Variants in LTBP2 observed in about 807,000 individuals in gnomAD.
LTBP2 encodes the protein latent-transforming growth factor beta-binding protein 2.
Under a neutral mutation model 210.6 loss-of-function variants are expected in LTBP2, and 103 were observed. That is an observed-to-expected ratio of 0.49 (90% CI 0.42 to 0.58). The LOEUF is 0.58. LTBP2 is among the 20% of genes least tolerant of loss of function. The pLI is 0.00. For synonymous variants in LTBP2, 1,007 were observed against 1,015.0 expected (o/e 0.99, Z 0.15); for missense variants, 2,313 against 2,494.5 (o/e 0.93, Z 1.55).
chr14:74,566,174 C>T (rs573645181), intron 3 of LTBP2, among the ~76,000 whole-genome samples: 40 of 151,962 alleles, frequency 2.6e-4, no homozygotes, highest in Middle Eastern at 3.4e-3. Flanking sequence ...ATTGATATTT[C>T]GTGGTACTCC....
intron 10 of LTBP2, among the ~76,000 whole-genome samples, chr14:74,530,932 G>C (rs899528224): frequency 6.6e-6 from 1 of 152,248 alleles, no homozygotes; most frequent in African/African-American, 2.4e-5. Flanking sequence ...AATAGAGTGA[G>C]GTGTGTGAGA....
At chr14:74,501,948 T>G in intron 34 of LTBP2, 1 of 364,314 alleles carries the variant, frequency 2.7e-6, no homozygotes, top group South Asian at 2.7e-5. Context: ...GGTGTTTTGT[T>G]TAAACCTTCA....
chr14:74,553,039 T>C lies in LTBP2; in HGVS notation c.1045A>G (p.Lys349Glu), dbSNP rs1452480066. 1.2e-6 allele frequency: 2 copies of C among 1,614,042 alleles called. No homozygotes were observed. Among genetic ancestry groups the C allele is most frequent in the African/African-American group, 2.7e-5 (2 of 74,922 alleles). ...PWGLNLTEKI[K>E]KIKIVFTPTI... ...GGAGTGAAGACGATCTTGATCTTCTTGATTTTCTCCGTGAGGTTCAGCCCT... is the reference window on the plus strand; with the variant it reads ...GGAGTGAAGACGATCTTGATCTTCTCGATTTTCTCCGTGAGGTTCAGCCCT... Residue 349 changes from lysine (K) to glutamate (E), a missense_variant, in exon 5 of 36, where the codon AAG becomes GAG. Around this residue, in one of 3 missense-constraint regions of LTBP2, gnomAD observed 1,867 missense variants for 1,976.9 expected, o/e 0.94. Coordinates refer to ENST00000261978, the MANE Select transcript of LTBP2 (RefSeq NM_000428.3).
Position 74,611,780 on chromosome 14 carries a change from G to A in LTBP2, c.165C>T (p.Arg55=), listed in dbSNP as rs1312786025. 1 of 1,610,076 alleles carries A rather than the reference G, an allele frequency of 6.2e-7. No individual in the cohort carries two copies. The highest frequency in any genetic ancestry group is 8.5e-7 in the Non-Finnish European group (1 of 1,179,560). Residue 55 remains arginine (R), a synonymous_variant, in exon 1 of 36, where the codon CGC becomes CGT. Coordinates refer to ENST00000261978, the MANE Select transcript of LTBP2 (RefSeq NM_000428.3). ...CCGCTGCCGGGTAGCTGCCCCCAGG[G>A]CGCCGCAGTCGATTCGCGTCTCCAC... ...PAGGDANRLR[R]PGGSYPAAAA...
intron 2 of LTBP2, among the ~76,000 whole-genome samples, chr14:74,602,393 C>T (rs4899524): frequency 0.44 from 66,727 of 152,110 alleles, 15,077 homozygotes; most frequent in Middle Eastern, 0.53. Flanking sequence ...GCAGTAGCAG[C>T]AGCAGTGACA....
intron 9 of LTBP2, among the ~76,000 whole-genome samples, chr14:74,533,425 G>A (rs959800639): frequency 3.3e-5 from 5 of 152,166 alleles, no homozygotes; most frequent in African/African-American, 1.2e-4. Flanking sequence ...TGGAGAAGGG[G>A]CAGCCAAGTC....
chr14:74,545,728 G>A (rs894757763), intron 8 of LTBP2, among the ~76,000 whole-genome samples: 1 of 152,230 alleles, frequency 6.6e-6, no homozygotes, highest in Non-Finnish European at 1.5e-5. Flanking sequence ...TTTGAGAACC[G>A]TGTGTTCTCC....
chr14:74,541,975 C>A (rs945996215), intron 8 of LTBP2, among the ~76,000 whole-genome samples: 1 of 152,146 alleles, frequency 6.6e-6, no homozygotes, highest in Non-Finnish European at 1.5e-5. Context: ...ATCTGTGAGA[C>A]CTGGGGAGAG....
chr14:74,595,891 A>G (rs2088353447), intron 2 of LTBP2, among the ~76,000 whole-genome samples: 1 of 152,196 alleles, frequency 6.6e-6, no homozygotes, highest in South Asian at 2.1e-4. Context: ...CTGTCACTCA[A>G]TAGGTAAACA....
intron 4 of LTBP2, among the ~76,000 whole-genome samples, chr14:74,553,479 G>A (rs972065947): frequency 1.3e-5 from 2 of 152,180 alleles, no homozygotes; most frequent in Non-Finnish European, 2.9e-5. Flanking sequence ...GAACCCAAGG[G>A]CAGGGAACAG....
intron 4 of LTBP2, 135 bp downstream of exon 4, chr14:74,555,368 T>G: frequency 8.5e-6 from 8 of 937,444 alleles, no homozygotes; most frequent in Non-Finnish European, 1.2e-5. Flanking sequence ...TCAACAAGCG[T>G]TTGTTGATTG....
chr14:74,582,391 CATACAT>C lies in LTBP2; in HGVS notation c.830+3457_830+3462del, dbSNP rs752596884. ...TGTTCTGTGTACATGCACACACACA[CATACAT>C]ACACACACACACACACACACACACA... On this transcript the variant is annotated intron_variant, in intron 3 of 35. Coordinates refer to ENST00000261978, the MANE Select transcript of LTBP2 (RefSeq NM_000428.3). Among the ~76,000 whole-genome samples, 643 of 99,418 alleles carry C rather than the reference CATACAT, an allele frequency of 6.5e-3. 5 individuals are homozygous for C. The highest frequency in any genetic ancestry group is 0.01 in the Middle Eastern group (2 of 194). 65.2% of individuals were successfully genotyped at this position (99,418 alleles called of 152,430 possible).
chr14:74,502,882 G>T lies in LTBP2; in HGVS notation c.4941C>A (p.Ala1647=), dbSNP rs199805158. The T allele has an allele frequency of 6.2e-7, 1 of 1,613,430 alleles. No individual in the cohort carries two copies. Among genetic ancestry groups the T allele is most frequent in the South Asian group, 1.1e-5 (1 of 91,052 alleles). ...NVARIEAERE[A]GVHFRPGYEY... ...CATAGCCTGGCCGGAAGTGGACCCC[G>T]GCCTCCCGCTCTGCCTCAATGCGAG... is the stretch of plus-strand genomic sequence containing the variant. The change falls in exon 34 of 36, where the codon GCC becomes GCA. Residue 1647 remains alanine (A), a synonymous_variant. Transcript: ENST00000261978.
Position 74,608,395 on chromosome 14 carries a change from T to A in LTBP2, c.494+3056A>T, listed in dbSNP as rs760815928. Among the ~76,000 whole-genome samples, 106 of 151,994 alleles carry A rather than the reference T, an allele frequency of 7.0e-4. 2 individuals carry two copies. The highest frequency in any genetic ancestry group is 2.5e-4 in the Non-Finnish European group (17 of 67,988). On this transcript the variant is annotated intron_variant, in intron 1 of 35. Transcript: ENST00000261978. ...AGAGAAAAATATTATACAGGTGGTC[T>A]GCTGTGAGGCTGGTTCAAAAAACCC...
Position 74,548,106 on chromosome 14 carries a change from G to A in LTBP2, c.1789+1757C>T, listed in dbSNP as rs554794666. ...CTGAGAAGCTTTCCCTGATCCACAG[G>A]GTTTAGCCTGTAGGGCCCCCATCCC... is the stretch of plus-strand genomic sequence containing the variant. On this transcript the variant is annotated intron_variant, in intron 8 of 35. Coordinates refer to ENST00000261978, the MANE Select transcript of LTBP2 (RefSeq NM_000428.3). Among the ~76,000 whole-genome samples the A allele has an allele frequency of 4.8e-4, 73 of 151,708 alleles. 1 individual carries two copies. In the South Asian group the frequency reaches 0.012, roughly 25 times the overall value.
intron 8 of LTBP2, among the ~76,000 whole-genome samples, chr14:74,538,832 G>T (rs1021890578): frequency 6.6e-6 from 1 of 152,246 alleles, no homozygotes; most frequent in Non-Finnish European, 1.5e-5. Flanking sequence ...AGCCTAGAAG[G>T]CCACTCTTGT....
intron 5 of LTBP2, 142 bp downstream of exon 5, chr14:74,552,750 G>A: frequency 9.5e-7 from 1 of 1,053,770 alleles, no homozygotes; most frequent in Non-Finnish European, 1.4e-6. Context: ...GCCAAGTGAG[G>A]ACTCAGCTCC....
chr14:74,583,628 A>G (rs1362561914), intron 3 of LTBP2, among the ~76,000 whole-genome samples: 2 of 152,230 alleles, frequency 1.3e-5, no homozygotes, highest in African/African-American at 4.8e-5. Context: ...CCTGTCACAC[A>G]CAGGAAACCT....
intron 8 of LTBP2, among the ~76,000 whole-genome samples, chr14:74,547,753 T>C (rs552562029): frequency 1.6e-4 from 25 of 152,242 alleles, no homozygotes; most frequent in African/African-American, 5.8e-4. Flanking sequence ...CAGCAGGTAC[T>C]GCATGCCCCT....
Sources: gnomAD v4.1 joint callset for allele counts (sites outside exome capture counted in the v4.1 genomes callset) on GRCh38, gnomAD v4.1.1 for gene constraint, gnomAD v4.1.1 regional missense constraint, MANE v1.5 for transcripts, NCBI Gene and HGNC (gene_info 2026-07-23, HGNC 2026-07-21) for gene names.